The following USP36 variants were observed in gnomAD, a reference collection of about 807,000 sequenced individuals.
USP36 encodes ubiquitin carboxyl-terminal hydrolase 36.
USP36 carries 59 observed loss-of-function variants against 111.5 expected under a neutral mutation model. The observed-to-expected ratio is 0.53, with a 90% CI of 0.43 to 0.66. The LOEUF (loss-of-function observed/expected upper bound fraction) is 0.66, where lower values mean the gene tolerates loss of function less well. USP36 is among the 30% of genes least tolerant of loss of function. The probability of loss-of-function intolerance (pLI) is 0.00; values close to 1 mark genes in which losing one functional copy is unlikely to be tolerated. For missense variants in USP36, 1,488 were observed against 1,468.0 expected (o/e 1.01, Z -0.22); for synonymous variants, 628 against 581.0 (o/e 1.08, Z -1.16).
Position 78,814,540 on chromosome 17 carries a change from G to A in USP36, c.1036C>T (p.Pro346Ser). ...GGKITKDVGY[P>S]EFLNIRPYMS... ...TACGGACGTATGTTGAGGAATTCCGGATAGCCTACATCCTGTTTGAAAAAT... is the reference window on the plus strand; with the variant it reads ...TACGGACGTATGTTGAGGAATTCCGAATAGCCTACATCCTGTTTGAAAAAT... The change falls in exon 11 of 21, where the codon CCG (proline) becomes TCG (serine). Residue 346 changes from proline (P) to serine (S), a missense_variant. By Grantham distance (74) the Pro-to-Ser change is moderately conservative. This residue lies in a region of USP36 where 196 missense variants were observed against 264.4 expected (regional missense o/e 0.74). Coordinates refer to ENST00000449938, the MANE Select transcript of USP36 (RefSeq NM_001385174.1). The A allele has an allele frequency of 1.2e-6, 2 of 1,614,020 alleles. No individual in the cohort carries two copies. The highest frequency in any genetic ancestry group is 1.7e-6 in the Non-Finnish European group (2 of 1,179,946).
chr17:78,791,146 T>A (rs2093580489), downstream of USP36, among the ~76,000 whole-genome samples: 1 of 141,272 alleles, frequency 7.1e-6, no homozygotes, highest in Non-Finnish European at 1.6e-5. Context: ...TTTTTTTTTT[T>A]TTTTTTAGCT....
chr17:78,834,274 G>T (rs2068436209), intron 4 of USP36, among the ~76,000 whole-genome samples: 1 of 151,088 alleles, frequency 6.6e-6, no homozygotes, highest in South Asian at 2.1e-4. Context: ...AAATAACATT[G>T]TCTCTGCTTG....
At position 78,798,811 on chromosome 17, in the gene USP36, G is replaced by A. The variant is rs917688036; in HGVS notation, c.3240+97C>T. ...AGCCTGGCTCTTCTCATGCTCGGCC[G>A]CTTCATGCCACTGCCGCCACCTCCA... On this transcript the variant is annotated intron_variant, in intron 19 of 20. Coordinates refer to ENST00000449938, the MANE Select transcript of USP36 (RefSeq NM_001385174.1). The surrounding 1 kb of genome is among the most constrained non-coding windows in gnomAD (Gnocchi z 5.1). The A allele has an allele frequency of 5.3e-5, 77 of 1,452,562 alleles. No homozygotes were observed. The highest frequency in any genetic ancestry group is 1.2e-4 in the Admixed American group (7 of 58,552). 90.0% of individuals were successfully genotyped at this position (1,452,562 alleles called of 1,614,324 possible). A position where few individuals can be genotyped will look rare whatever the true frequency, so the allele number is the denominator to read the frequency against.
chr17:78,807,224 C>G lies in USP36; in HGVS notation c.1820G>C (p.Arg607Thr). The G allele has an allele frequency of 1.9e-6, 3 of 1,614,070 alleles. No homozygotes were observed. The highest frequency in any genetic ancestry group is 2.5e-6 in the Non-Finnish European group (3 of 1,179,988). ...KGNDESAGLD[R>T]RGSSSSSPEH... ...TGGGCTGGAGCTGCTGGAGCCCCTC[C>G]TGTCGAGGCCAGCGCTCTCGTCGTT... Residue 607 changes from arginine to threonine, a missense_variant, in exon 14 of 21, where the codon AGG becomes ACG. Physicochemically the swap from Arg to Thr is moderately conservative, Grantham distance 71 (BLOSUM62 -1). Transcript: ENST00000449938.
At position 78,827,298 on chromosome 17, in the gene USP36, G is replaced by T; in HGVS notation, c.636C>A (p.Phe212Leu). The T allele has an allele frequency of 6.2e-7, 1 of 1,613,974 alleles. No homozygotes were observed. The highest frequency in any genetic ancestry group is 8.5e-7 in the Non-Finnish European group (1 of 1,179,938). The change falls in exon 6 of 21, where the codon TTC becomes TTA. Residue 212 changes from phenylalanine to leucine, a missense_variant. Transcript: ENST00000449938. ...GCATGGCGTCGATGGTGTACCGCAGGAACTCATGCGCGTCCTCCTGGTTCC... is the reference window on the plus strand; with the variant it reads ...GCATGGCGTCGATGGTGTACCGCAGTAACTCATGCGCGTCCTCCTGGTTCC... ...RFGNQEDAHE[F>L]LRYTIDAMQK... is the part of the protein sequence containing the mutation.
At chr17:78,834,997 G>A (rs62075636) in intron 4 of USP36, among the ~76,000 whole-genome samples, 2 of 141,392 alleles carry the variant, frequency 1.4e-5, no homozygotes, top group Admixed American at 6.9e-5. Context: ...AATAATATTT[G>A]TATATATATA....
chr17:78,814,580 A>G (rs368110088), intron 10 of USP36, 28 bp from the exon 11 acceptor site: 20 of 1,604,136 alleles, frequency 1.2e-5, no homozygotes, highest in Non-Finnish European at 1.7e-5. Context: ...GAAAAGACAA[A>G]TAAAATTCAC....
In USP36 at chr17:78,831,942, CA is replaced by C. The variant is rs573258267; in HGVS notation, c.476-2936del. ...TGCGTGACAGAGTGAGAGCTTGTCTCAAAAAAAAAAAAAAAAAAAAGCTTCT... is the reference window on the plus strand; with the variant it reads ...TGCGTGACAGAGTGAGAGCTTGTCTCAAAAAAAAAAAAAAAAAAAGCTTCT... On this transcript the variant is annotated intron_variant, in intron 4 of 20. Transcript: ENST00000449938. 8.8e-3 allele frequency among the ~76,000 whole-genome samples: 676 copies of C among 77,256 alleles called. 3 individuals are homozygous for C. Among genetic ancestry groups the C allele is most frequent in the Middle Eastern group, 0.039 (5 of 128 alleles). 50.7% of individuals were successfully genotyped at this position (77,256 alleles called of 152,430 possible).
rs538681421 is a variant in USP36, at chr17:78,834,807, TACA to T, written c.475+470_475+472del. Among the ~76,000 whole-genome samples the T allele has an allele frequency of 2.0e-5, 3 of 151,988 alleles. No individual in the cohort carries two copies. In the South Asian group the frequency reaches 6.2e-4, roughly 32 times the overall value. On this transcript the variant is annotated intron_variant, in intron 4 of 20. Coordinates refer to ENST00000449938, the MANE Select transcript of USP36 (RefSeq NM_001385174.1). Reference sequence around the variant, plus strand: ...TTATAATACACATAAGATATGCTGATACAACAACAGATGCATAAAACAATTGGG... The same window carrying T: ...TTATAATACACATAAGATATGCTGATACAACAGATGCATAAAACAATTGGG...
At chr17:78,802,097 A>AC (rs1189124561) in intron 17 of USP36, among the ~76,000 whole-genome samples, 18 of 55,312 alleles carry the variant, frequency 3.3e-4, no homozygotes, top group African/African-American at 1.3e-3. Flanking sequence ...GCGGTCCCCC[A>AC]CCCCCTTGCC....
chr17:78,787,795 G>C (rs1427606442), intron 3 of USP36: 1 of 152,246 alleles, frequency 6.6e-6, no homozygotes, highest in African/African-American at 2.4e-5. Context: ...ACCTTATTTG[G>C]AAGTGGGGTC....
intron 13 of USP36, among the ~76,000 whole-genome samples, chr17:78,809,240 C>T (rs1226614657): frequency 6.6e-6 from 1 of 152,328 alleles, no homozygotes; most frequent in Middle Eastern, 3.4e-3. Context: ...AATTCTTCTA[C>T]ATTTTATCCT....
intron 10 of USP36, among the ~76,000 whole-genome samples, chr17:78,816,180 AAC>A (rs2094184964): frequency 1.3e-5 from 2 of 151,698 alleles, no homozygotes; most frequent in African/African-American, 2.4e-5. Context: ...TTTTTTAAGA[AAC>A]ACAGTCTCGC....
chr17:78,799,691 A>G lies in USP36; in HGVS notation c.3100T>C (p.Ser1034Pro), dbSNP rs772096874. The change falls in exon 18 of 21, where the codon TCT becomes CCT. Residue 1034 changes from serine to proline, a missense_variant. By Grantham distance (74) the Ser-to-Pro change is moderately conservative. Transcript: ENST00000449938. Reference sequence around the variant, plus strand: ...CCTTTTCTCCCGTAAGCTTTATCAGATGAGTATTTGAGCAGTTCCTGGACC... The same window carrying G: ...CCTTTTCTCCCGTAAGCTTTATCAGGTGAGTATTTGAGCAGTTCCTGGACC... ...DVVQELLKYSSDKAYGRKVLT... is the reference protein window; with the variant it reads ...DVVQELLKYSPDKAYGRKVLT... 61 of 1,612,854 alleles carry G rather than the reference A, an allele frequency of 3.8e-5. 1 individual carries two copies. The East Asian group carries it at 1.3e-3, about 35-fold the overall frequency.
intron 2 of USP36, 130 bp from the exon 3 acceptor site, chr17:78,836,502 T>G: frequency 2.5e-6 from 3 of 1,205,276 alleles, no homozygotes; most frequent in Non-Finnish European, 3.4e-6. Context: ...AGTGATCCCC[T>G]GGATCAGCTG....
At chr17:78,841,390 G>T (rs2069274467), upstream of USP36, 1 of 152,344 alleles carries the variant, frequency 6.6e-6, no homozygotes. Context: ...AGGGATCTGG[G>T]AGCGATCGGC....
chr17:78,802,593 C>T (rs146137117), intron 16 of USP36, 58 bp from the exon 17 acceptor site: 297 of 1,499,710 alleles, frequency 2.0e-4, no homozygotes, highest in East Asian at 1.5e-3. Context: ...GGAGCAGGAG[C>T]GCACAGACAC....
At chr17:78,829,752 T>A (rs1020977117) in intron 4 of USP36, among the ~76,000 whole-genome samples, 1 of 151,506 alleles carries the variant, frequency 6.6e-6, no homozygotes, top group Non-Finnish European at 1.5e-5. Flanking sequence ...ACAGTGGTCC[T>A]TTTTTTTTGA....
At chr17:78,806,894 C>G (rs2093916840) in intron 14 of USP36, 65 bp downstream of exon 14, 4 of 1,573,652 alleles carry the variant, frequency 2.5e-6, no homozygotes, top group Non-Finnish European at 3.5e-6. Flanking sequence ...TCCCTTCAAA[C>G]CACAACCAAG....
Sources: gnomAD v4.1 joint callset for allele counts (sites outside exome capture counted in the v4.1 genomes callset) on GRCh38, gnomAD v4.1.1 for gene constraint, gnomAD v4.1.1 regional missense constraint, Gnocchi (gnomAD v3.1) non-coding constraint, MANE v1.5 for transcripts, NCBI Gene and HGNC (gene_info 2026-07-23, HGNC 2026-07-21) for gene names.